Variants in ZNF397 observed in about 807,000 individuals in gnomAD.
ZNF397 encodes zinc finger protein 397.
A neutral mutation model predicts 50.6 loss-of-function variants in ZNF397; 38 were observed. That is an observed-to-expected ratio of 0.75 (90% CI 0.58 to 0.98). The LOEUF (loss-of-function observed/expected upper bound fraction) is 0.98. ZNF397 is among the 50% of genes least tolerant of loss of function. The probability of loss-of-function intolerance (pLI) is 0.00; values close to 1 mark genes in which losing one functional copy is unlikely to be tolerated. For synonymous variants in ZNF397, 228 were observed against 215.2 expected, an observed-to-expected ratio of 1.06 and a Z score of -0.52; for missense variants, 624 against 624.1, an observed-to-expected ratio of 1.00 and a Z score of 0.00.
At chr18:35,244,262 TCAA>T (rs929184852) in intron 3 of ZNF397, among the ~76,000 whole-genome samples, 3 of 152,214 alleles carry the variant, frequency 2.0e-5, no homozygotes, top group Non-Finnish European at 4.4e-5. Context: ...GTTTCAGTCT[TCAA>T]CAGTCTGGTT....
rs2043524258 is a variant in ZNF397, at chr18:35,248,905, A to G, written c.*2595A>G. On this transcript the variant is annotated 3_prime_UTR_variant, in exon 4 of 4. Transcript: ENST00000330501. The stretch of plus-strand genomic sequence containing the variant: ...GCTAAGGGCTTTGTATATACTTATT[A>G]TTGTTATTTCTCAGCACGTATGTAG... 6.6e-6 allele frequency: 1 copy of G among 152,176 alleles called. No homozygotes were observed. Among genetic ancestry groups the G allele is most frequent in the Non-Finnish European group, 1.5e-5 (1 of 68,034 alleles). The allele number at this position is 152,176 out of a possible 1,614,324, so 9.4% of individuals were successfully genotyped here. A position where few individuals can be genotyped will look rare whatever the true frequency, so the allele number is the denominator to read the frequency against.
downstream of ZNF397, chr18:35,252,705 C>T (rs1387730068): frequency 3.3e-5 from 5 of 152,104 alleles, no homozygotes; most frequent in South Asian, 2.1e-4. Context: ...GATGGAAACC[C>T]GCATTTTTCC....
intron 1 of ZNF397, 130 bp from the exon 2 acceptor site, chr18:35,242,261 A>G (rs1912561120): frequency 6.5e-6 from 3 of 462,140 alleles, no homozygotes. Flanking sequence ...TCATCACATT[A>G]TTGTTTTATT....
rs769464179 is a variant in ZNF397, at chr18:35,245,218, CAA to C, written c.557-43_557-42del. 9.9e-6 allele frequency: 15 copies of C among 1,510,162 alleles called. No homozygotes were observed. The Admixed American group carries it at 1.6e-4, about 16-fold the overall frequency. 93.5% of individuals were successfully genotyped at this position (1,510,162 alleles called of 1,614,324 possible). A position where few individuals can be genotyped will look rare whatever the true frequency, so the allele number is the denominator to read the frequency against. On this transcript the variant is annotated intron_variant, in intron 3 of 3. Transcript: ENST00000330501. Reference sequence around the variant, plus strand: ...CTCATGTAGAAAGTTTTGACGGTGACAAGAGAAATGTAATATCTGTTTTTTTG... The same window carrying C: ...CTCATGTAGAAAGTTTTGACGGTGACGAGAAATGTAATATCTGTTTTTTTG...
In ZNF397 at chr18:35,243,302, T is replaced by C. The variant is rs763279231; in HGVS notation, c.556+9T>C. 9 of 1,614,182 alleles carry C rather than the reference T, an allele frequency of 5.6e-6. No homozygotes were observed. Among genetic ancestry groups the C allele is most frequent in the Non-Finnish European group, 7.6e-6 (9 of 1,180,036 alleles). On this transcript the variant is annotated intron_variant, in intron 3 of 3. Coordinates refer to ENST00000330501, the MANE Select transcript of ZNF397 (RefSeq NM_001135178.3). ...CCTTTCCCCTAAAAGTGGTGAGGAATGGGAAATCATCTGGAAACTCTTGAC... is the reference window on the plus strand; with the variant it reads ...CCTTTCCCCTAAAAGTGGTGAGGAACGGGAAATCATCTGGAAACTCTTGAC...
rs1409439583 is a variant in ZNF397 at position 35,246,610 on chromosome 18, T to A, written c.*300T>A. The A allele has an allele frequency of 2.7e-6, 3 of 1,124,182 alleles. No homozygotes were observed. Among genetic ancestry groups the A allele is most frequent in the Non-Finnish European group, 3.3e-6 (3 of 917,918 alleles). The allele number at this position is 1,124,182 out of a possible 1,614,324, so 69.6% of individuals were successfully genotyped here. A position where few individuals can be genotyped will look rare whatever the true frequency, so the allele number is the denominator to read the frequency against. On this transcript the variant is annotated 3_prime_UTR_variant, in exon 4 of 4. Transcript: ENST00000330501. ...AACCTCATTTTGTATGAAAGTGTCATGAATATAGCAACCCAGGCTCTGTCA... is the reference window on the plus strand; with the variant it reads ...AACCTCATTTTGTATGAAAGTGTCAAGAATATAGCAACCCAGGCTCTGTCA...
chr18:35,258,078 A>C, exon 6 of ZNF397: 1 of 755,168 alleles, frequency 1.3e-6, no homozygotes, highest in South Asian at 1.4e-5. Context: ...TGACTCTTAC[A>C]ATCATATCAC....
Position 35,249,359 on chromosome 18 carries a change from C to T in ZNF397, c.*3049C>T, listed in dbSNP as rs2043533477. 6.6e-6 allele frequency: 1 copy of T among 152,094 alleles called. No individual in the cohort carries two copies. The highest frequency in any genetic ancestry group is 1.5e-5 in the Non-Finnish European group (1 of 68,026). The allele number at this position is 152,094 out of a possible 1,614,324, so 9.4% of individuals were successfully genotyped here. On this transcript the variant is annotated 3_prime_UTR_variant, in exon 4 of 4. Transcript: ENST00000330501. The stretch of plus-strand genomic sequence containing the variant: ...ACACAAAATCCTGAAACTCTTAAAA[C>T]TGATGTCACAGGCCAGGCACAGTGG...
Position 35,248,899 on chromosome 18 carries a change from CTTA to C in ZNF397, c.*2595_*2597del, listed in dbSNP as rs905666125. 5 of 151,994 alleles carry C rather than the reference CTTA, an allele frequency of 3.3e-5. No individual in the cohort carries two copies. The highest frequency in any genetic ancestry group is 9.7e-5 in the African/African-American group (4 of 41,392). 9.4% of individuals were successfully genotyped at this position (151,994 alleles called of 1,614,324 possible). On this transcript the variant is annotated 3_prime_UTR_variant, in exon 4 of 4. Transcript: ENST00000330501. Reference sequence around the variant, plus strand: ...ATACTTGCTAAGGGCTTTGTATATACTTATTATTGTTATTTCTCAGCACGTATG... The same window carrying C: ...ATACTTGCTAAGGGCTTTGTATATACTTATTGTTATTTCTCAGCACGTATG...
At chr18:35,253,944 A>C (rs1232473914), downstream of ZNF397, 1 of 1,614,042 alleles carries the variant, frequency 6.2e-7, no homozygotes, top group East Asian at 2.2e-5. Context: ...CATTCTTTAC[A>C]TGCATAAGGT....
chr18:35,252,297 G>C (rs1219982630), downstream of ZNF397: 4 of 152,188 alleles, frequency 2.6e-5, no homozygotes, highest in Non-Finnish European at 5.9e-5. Flanking sequence ...ATGCATATCA[G>C]AGGCTAGAGA....
chr18:35,242,057 A>G (rs577612658), intron 1 of ZNF397, among the ~76,000 whole-genome samples: 1 of 152,338 alleles, frequency 6.6e-6, no homozygotes, highest in South Asian at 2.1e-4. Context: ...TTATTAATAC[A>G]TACATGTTAA....
rs748277817 is a variant in ZNF397 at position 35,242,824 on chromosome 18, C to T, written c.354C>T (p.Gly118=). 1.2e-5 allele frequency: 19 copies of T among 1,613,826 alleles called. No individual in the cohort carries two copies. The Admixed American group carries it at 1.5e-4, about 13-fold the overall frequency. The part of the protein sequence containing the change: ...IWVQQHNPES[G]EEAVTLLEDL... ...TTCAGCAACATAATCCAGAAAGCGG[C>T]GAGGAAGCTGTGACCCTGTTGGAGG... is the stretch of plus-strand genomic sequence containing the variant. The change falls in exon 2 of 4, where the codon GGC becomes GGT. Residue 118 remains glycine, a synonymous_variant. Transcript: ENST00000330501.
intron 1 of ZNF397, 161 bp downstream of exon 1, chr18:35,241,270 A>G (rs923298334): frequency 1.3e-5 from 2 of 152,224 alleles, no homozygotes; most frequent in Admixed American, 6.5e-5. Context: ...CCAGCACTCA[A>G]ACTCCTGCTT....
At position 35,245,638 on chromosome 18, in the gene ZNF397, G is replaced by A; in HGVS notation, c.933G>A (p.Lys311=). 2.6e-6 allele frequency: 4 copies of A among 1,554,518 alleles called. No homozygotes were observed. The highest frequency in any genetic ancestry group is 3.5e-6 in the Non-Finnish European group (4 of 1,148,540). The change falls in exon 4 of 4, where the codon AAG becomes AAA. Residue 311 remains lysine, a synonymous_variant. Coordinates refer to ENST00000330501, the MANE Select transcript of ZNF397 (RefSeq NM_001135178.3). ...TQHQRIHTGE[K]PYKCNQCGKA... ...ATCAGAGAATCCATACTGGAGAAAA[G>A]CCCTATAAATGTAACCAGTGTGGGA...
intron 1 of ZNF397, among the ~76,000 whole-genome samples, chr18:35,242,178 GT>G (rs1302656563): frequency 1.3e-5 from 2 of 152,124 alleles, no homozygotes; most frequent in Non-Finnish European, 2.9e-5. Context: ...TTCTAAAATA[GT>G]TTTTTCTAAC....
chr18:35,246,442 A>G lies in ZNF397; in HGVS notation c.*132A>G. 1 of 1,443,116 alleles carries G rather than the reference A, an allele frequency of 6.9e-7. No homozygotes were observed. Among genetic ancestry groups the G allele is most frequent in the African/African-American group, 1.4e-5 (1 of 69,740 alleles). The allele number at this position is 1,443,116 out of a possible 1,614,324, so 89.4% of individuals were successfully genotyped here. A position where few individuals can be genotyped will look rare whatever the true frequency, so the allele number is the denominator to read the frequency against. ...GTCTTGAGTCTAGCTTGCTTTGTGC[A>G]GCATTTCCCAGTGCTAATGTAAAGT... is the stretch of plus-strand genomic sequence containing the variant. On this transcript the variant is annotated 3_prime_UTR_variant, in exon 4 of 4. Coordinates refer to ENST00000330501, the MANE Select transcript of ZNF397 (RefSeq NM_001135178.3).
In ZNF397 at chr18:35,243,724, T is replaced by G. The variant is rs186842757; in HGVS notation, c.556+431T>G. 3.2e-4 allele frequency: 97 copies of G among 303,872 alleles called. No individual in the cohort carries two copies. In the Admixed American group the frequency reaches 4.4e-3, roughly 14 times the overall value. The allele number at this position is 303,872 out of a possible 1,614,324, so 18.8% of individuals were successfully genotyped here. A position where few individuals can be genotyped will look rare whatever the true frequency, so the allele number is the denominator to read the frequency against. On this transcript the variant is annotated intron_variant, in intron 3 of 3. Coordinates refer to ENST00000330501, the MANE Select transcript of ZNF397 (RefSeq NM_001135178.3). ...GAACACTTCCTGAAGGAAGAAAATC[T>G]AAGCTAAGACTTGAACTATGAGTAA... is the stretch of plus-strand genomic sequence containing the variant.
chr18:35,251,186 T>C (rs866994323), downstream of ZNF397: 1 of 152,194 alleles, frequency 6.6e-6, no homozygotes, highest in Admixed American at 6.5e-5. Flanking sequence ...CTAAAAATAC[T>C]AGGATTGGGA....
Sources: gnomAD v4.1 joint callset for allele counts (sites outside exome capture counted in the v4.1 genomes callset) on GRCh38, gnomAD v4.1.1 for gene constraint, MANE v1.5 for transcripts, NCBI Gene and HGNC (gene_info 2026-07-23, HGNC 2026-07-21) for gene names.